PBX3: variants seen among roughly 807,000 people sequenced by gnomAD.
PBX3 encodes pre-B-cell leukemia transcription factor 3.
A neutral mutation model predicts 48.5 loss-of-function variants in PBX3; 14 were observed. The ratio of observed to expected loss-of-function variants is 0.29; its 90% CI spans 0.19 to 0.45. PBX3 has a LOEUF of 0.45. Among genes scored for constraint, PBX3 ranks in the 20% least tolerant of loss-of-function variants. The pLI, the probability that PBX3 is intolerant of heterozygous loss-of-function variation, is 1.00. For missense variants in PBX3, 386 were observed against 546.7 expected (o/e 0.71, Z 2.93); for synonymous variants, 210 against 200.3 (o/e 1.05, Z -0.41).
chr9:125,747,671 A>T lies in PBX3; in HGVS notation c.200+18A>T. 6.4e-7 allele frequency: 1 copy of T among 1,567,442 alleles called. No individual in the cohort carries two copies. Among genetic ancestry groups the T allele is most frequent in the East Asian group, 2.5e-5 (1 of 39,388 alleles). ...CAAGCAAAGTTGGTGTCGTCTCATTAAGCATCTTTTGTGTGTGTGCGGGAG... is the reference window on the plus strand; with the variant it reads ...CAAGCAAAGTTGGTGTCGTCTCATTTAGCATCTTTTGTGTGTGTGCGGGAG... On this transcript the variant is annotated intron_variant, in intron 1 of 8. Coordinates refer to ENST00000373489, the MANE Select transcript of PBX3 (RefSeq NM_006195.6).
intron 5 of PBX3, among the ~76,000 whole-genome samples, chr9:125,939,681 C>T (rs886203438): frequency 2.0e-5 from 3 of 152,070 alleles, no homozygotes; most frequent in Non-Finnish European, 4.4e-5. Flanking sequence ...CATTTGTCCA[C>T]GGACTGGAGA....
intron 2 of PBX3, among the ~76,000 whole-genome samples, chr9:125,849,832 T>C (rs866571523): frequency 3.3e-5 from 5 of 152,046 alleles, no homozygotes; most frequent in Non-Finnish European, 7.4e-5. Context: ...GATAAATGCT[T>C]ATACTTAACA....
At chr9:125,797,950 T>C (rs1262303583) in intron 2 of PBX3, among the ~76,000 whole-genome samples, 1 of 152,178 alleles carries the variant, frequency 6.6e-6, no homozygotes, top group Non-Finnish European at 1.5e-5. Context: ...AGTTTTTATT[T>C]ATCATAGACT....
chr9:125,957,131 A>G (rs1449356120), intron 5 of PBX3, among the ~76,000 whole-genome samples: 1 of 152,250 alleles, frequency 6.6e-6, no homozygotes, highest in Non-Finnish European at 1.5e-5. Context: ...CTGTAATATC[A>G]GAATGTGATG....
chr9:125,780,425 C>T (rs1588139074), intron 2 of PBX3, among the ~76,000 whole-genome samples: 1 of 97,428 alleles, frequency 1.0e-5, no homozygotes, highest in South Asian at 3.5e-4. Context: ...GACCCCCCCC[C>T]CACCTCCCTC....
At chr9:125,778,063 C>A (rs1413656625) in intron 2 of PBX3, among the ~76,000 whole-genome samples, 1 of 150,736 alleles carries the variant, frequency 6.6e-6, no homozygotes, top group Non-Finnish European at 1.5e-5. Context: ...CAGGTTAAAG[C>A]GATTCTCCTG....
At chr9:125,923,639 C>T (rs1414143404) in intron 3 of PBX3, among the ~76,000 whole-genome samples, 1 of 152,110 alleles carries the variant, frequency 6.6e-6, no homozygotes, top group Non-Finnish European at 1.5e-5. Flanking sequence ...GAACATGGCT[C>T]ACTGAAGCCT....
intron 3 of PBX3, among the ~76,000 whole-genome samples, chr9:125,919,335 G>A (rs1425888822): frequency 6.6e-6 from 1 of 150,870 alleles, no homozygotes; most frequent in Non-Finnish European, 1.5e-5. Flanking sequence ...TGGGATTACA[G>A]GCGTCTGCCA....
intron 2 of PBX3, among the ~76,000 whole-genome samples, chr9:125,902,030 T>C (rs999576511): frequency 2.0e-5 from 3 of 151,668 alleles, no homozygotes; most frequent in Non-Finnish European, 4.4e-5. Flanking sequence ...AGCTGCTTTT[T>C]TTAAAAATGT....
In PBX3 at chr9:125,902,181, A is replaced by G. The variant is rs193286142; in HGVS notation, c.275-13505A>G. 4.6e-5 allele frequency among the ~76,000 whole-genome samples: 7 copies of G among 151,818 alleles called. 1 individual carries two copies. The highest frequency in any genetic ancestry group is 4.0e-4 in the Admixed American group (6 of 15,186). ...TTTGCTCCAAGAACCTAAACTGAAAATAAAATTAGACTGAATTTTTAGTTA... is the reference window on the plus strand; with the variant it reads ...TTTGCTCCAAGAACCTAAACTGAAAGTAAAATTAGACTGAATTTTTAGTTA... On this transcript the variant is annotated intron_variant, in intron 2 of 8. Coordinates refer to ENST00000373489, the MANE Select transcript of PBX3 (RefSeq NM_006195.6).
intron 5 of PBX3, among the ~76,000 whole-genome samples, chr9:125,935,878 C>T (rs116846395): frequency 7.2e-5 from 11 of 152,268 alleles, no homozygotes; most frequent in African/African-American, 2.4e-4. Flanking sequence ...TGGGGAGAGA[C>T]GCAGTTTACA....
intron 2 of PBX3, among the ~76,000 whole-genome samples, chr9:125,785,829 G>C (rs1248144313): frequency 6.6e-6 from 1 of 152,168 alleles, no homozygotes; most frequent in Non-Finnish European, 1.5e-5. Context: ...GTATCCCACA[G>C]TGGAAATTCA....
intron 2 of PBX3, among the ~76,000 whole-genome samples, chr9:125,900,766 A>G (rs1840926813): frequency 6.6e-6 from 1 of 151,760 alleles, no homozygotes; most frequent in African/African-American, 2.4e-5. Flanking sequence ...CACATCCACT[A>G]AGCAATGTGC....
intron 2 of PBX3, among the ~76,000 whole-genome samples, chr9:125,806,755 CTT>C (rs1286309258): frequency 6.6e-6 from 1 of 152,154 alleles, no homozygotes; most frequent in Non-Finnish European, 1.5e-5. Context: ...AGCAGTTTGA[CTT>C]TTATTTAGAA....
intron 2 of PBX3, among the ~76,000 whole-genome samples, chr9:125,786,491 G>A (rs1350566401): frequency 6.6e-6 from 1 of 152,176 alleles, no homozygotes; most frequent in Non-Finnish European, 1.5e-5. Flanking sequence ...GTGATATAAG[G>A]TGAAAGACTT....
At chr9:125,775,728 C>T (rs189470939) in intron 2 of PBX3, among the ~76,000 whole-genome samples, 1 of 152,046 alleles carries the variant, frequency 6.6e-6, no homozygotes, top group East Asian at 1.9e-4. Flanking sequence ...AGTTGAGGCC[C>T]CTTGCAATTC....
intron 2 of PBX3, among the ~76,000 whole-genome samples, chr9:125,857,502 C>T (rs1385809048): frequency 1.3e-5 from 2 of 152,144 alleles, no homozygotes; most frequent in African/African-American, 2.4e-5. Context: ...TAACCATTTA[C>T]ATATAATCCC....
chr9:125,806,789 A>G (rs1164580317), intron 2 of PBX3, among the ~76,000 whole-genome samples: 1 of 152,224 alleles, frequency 6.6e-6, no homozygotes, highest in East Asian at 1.9e-4. Context: ...TTCATGTAGC[A>G]TTGAAGTAAA....
chr9:125,820,951 C>T (rs1838633612), intron 2 of PBX3, among the ~76,000 whole-genome samples: 1 of 151,948 alleles, frequency 6.6e-6, no homozygotes, highest in South Asian at 2.1e-4. Flanking sequence ...TTGCTCAAAG[C>T]AAAAGAAAAG....
Sources: allele counts gnomAD v4.1 joint callset (sites outside exome capture counted in the v4.1 genomes callset), GRCh38; gene constraint gnomAD v4.1.1; transcripts MANE v1.5; gene names NCBI Gene and HGNC (gene_info 2026-07-23, HGNC 2026-07-21).